The following ZNF469 variants were observed in gnomAD, a reference collection of about 807,000 sequenced individuals.
The protein encoded by ZNF469 is zinc finger protein 469.
A neutral mutation model predicts 1.0 loss-of-function variants in ZNF469; 1 was observed. That is an observed-to-expected ratio of 1.00 (90% confidence interval 0.35 to 4.73). The LOEUF (loss-of-function observed/expected upper bound fraction) is 4.73, where lower values mean the gene tolerates loss of function less well. ZNF469 is among the 30% of genes most tolerant of loss of function. ZNF469 has a pLI of 0.16. For missense variants in ZNF469, 6,100 were observed against 5,356.3 expected (o/e 1.14, Z -4.33); for synonymous variants, 2,703 against 2,363.4 (o/e 1.14, Z -4.17).
the ZNF469 span, among the ~76,000 whole-genome samples, chr16:88,294,194 G>C: frequency 6.6e-6 from 1 of 152,214 alleles, no homozygotes; most frequent in African/African-American, 2.4e-5. Context: ...ACAAAGATCA[G>C]CTGAAACTGT....
the ZNF469 span, among the ~76,000 whole-genome samples, chr16:88,113,184 C>G: frequency 6.6e-6 from 1 of 152,102 alleles, no homozygotes; most frequent in Non-Finnish European, 1.5e-5. Flanking sequence ...AGGTCAATGT[C>G]CTGGAGATTG....
chr16:88,397,254 C>T lies in ZNF469; in HGVS notation c.-192+14000C>T, dbSNP rs559841407. On this transcript the variant is annotated intron_variant, in intron 1 of 2. Coordinates refer to ENST00000565624, the MANE Select transcript of ZNF469 (RefSeq NM_001367624.2). ...GGCGGACCCGGTGCCCACCCTCAAG[C>T]GATCACCATGGCCCTGGGATGGATG... is the stretch of plus-strand genomic sequence containing the variant. Among the ~76,000 whole-genome samples, 9 of 152,386 alleles carry T rather than the reference C, an allele frequency of 5.9e-5. No individual in the cohort carries two copies. In the South Asian group the frequency reaches 1.7e-3, roughly 28 times the overall value.
rs1431121592 is a variant in ZNF469, at chr16:88,437,419, G to A, written c.9949G>A (p.Ala3317Thr). 3 of 1,523,366 alleles carry A rather than the reference G, an allele frequency of 2.0e-6. No individual in the cohort carries two copies. The highest frequency in any genetic ancestry group is 2.6e-6 in the Non-Finnish European group (3 of 1,132,714). 94.4% of individuals were successfully genotyped at this position (1,523,366 alleles called of 1,614,324 possible). A position where few individuals can be genotyped will look rare whatever the true frequency, so the allele number is the denominator to read the frequency against. Reference sequence around the variant, plus strand: ...CCCCAGCCCGTCCCCCGACCCCTGGGCCGGCGGGGAGCCCCTCCTGCAAGC... The same window carrying A: ...CCCCAGCCCGTCCCCCGACCCCTGGACCGGCGGGGAGCCCCTCCTGCAAGC... ...TTPSPSPDPW[A>T]GGEPLLQATP... The change falls in exon 3 of 3, where the codon GCC becomes ACC. Residue 3317 changes from alanine to threonine, a missense_variant. Transcript: ENST00000565624.
the ZNF469 span, among the ~76,000 whole-genome samples, chr16:88,310,865 TAG>T: frequency 6.6e-6 from 1 of 152,174 alleles, no homozygotes; most frequent in South Asian, 2.1e-4. Context: ...GAAGATGGCA[TAG>T]AGTTTCTACT....
chr16:88,331,070 GA>G, the ZNF469 span, among the ~76,000 whole-genome samples: 1 of 73,266 alleles, frequency 1.4e-5, no homozygotes, highest in African/African-American at 5.7e-5. Flanking sequence ...CAACCATCAC[GA>G]CCACCACCAC....
At chr16:88,308,118 T>C in the ZNF469 span, among the ~76,000 whole-genome samples, 1 of 152,358 alleles carries the variant, frequency 6.6e-6, no homozygotes, top group Non-Finnish European at 1.5e-5. Context: ...ACTGCCTTGG[T>C]GCCCTTGTTG....
At chr16:88,285,086 T>C in the ZNF469 span, among the ~76,000 whole-genome samples, 1 of 152,246 alleles carries the variant, frequency 6.6e-6, no homozygotes, top group East Asian at 1.9e-4. Flanking sequence ...TGGCCTAACA[T>C]GCCTCATACC....
At chr16:88,153,505 A>G in the ZNF469 span, among the ~76,000 whole-genome samples, 6 of 152,222 alleles carry the variant, frequency 3.9e-5, no homozygotes, top group African/African-American at 1.4e-4. Context: ...AGTGGGTAGA[A>G]GGATGCACCT....
At chr16:88,148,788 A>C in the ZNF469 span, among the ~76,000 whole-genome samples, 15 of 152,194 alleles carry the variant, frequency 9.9e-5, no homozygotes, top group African/African-American at 3.4e-4. Flanking sequence ...TGCTGGGGCC[A>C]ACTCTGTTCT....
chr16:88,180,855 C>T, the ZNF469 span, among the ~76,000 whole-genome samples: 10 of 152,246 alleles, frequency 6.6e-5, no homozygotes, highest in African/African-American at 2.2e-4. Flanking sequence ...CACCTAACAG[C>T]GGAATTTCAA....
chr16:88,158,345 GC>G, the ZNF469 span, among the ~76,000 whole-genome samples: 1 of 152,134 alleles, frequency 6.6e-6, no homozygotes, highest in East Asian at 1.9e-4. Context: ...GGCACGGGAA[GC>G]CCCCGGGGCA....
At chr16:88,267,360 C>T in the ZNF469 span, among the ~76,000 whole-genome samples, 2 of 152,204 alleles carry the variant, frequency 1.3e-5, no homozygotes. Context: ...ACTTCGGTGC[C>T]AGTCGCGAAA....
chr16:88,403,622 G>C (rs924043792), intron 1 of ZNF469, among the ~76,000 whole-genome samples: 23 of 152,260 alleles, frequency 1.5e-4, no homozygotes, highest in African/African-American at 5.5e-4. Context: ...TGCTGGGACA[G>C]GGAGCAGGGC....
chr16:88,195,667 C>G, the ZNF469 span, among the ~76,000 whole-genome samples: 1 of 152,202 alleles, frequency 6.6e-6, no homozygotes, highest in African/African-American at 2.4e-5. Flanking sequence ...CTAACAATGG[C>G]AGATGGACGT....
At chr16:88,202,756 T>C in the ZNF469 span, among the ~76,000 whole-genome samples, 1 of 152,116 alleles carries the variant, frequency 6.6e-6, no homozygotes, top group Non-Finnish European at 1.5e-5. Flanking sequence ...CCTGCATCTC[T>C]CGAGTCTGCT....
the ZNF469 span, among the ~76,000 whole-genome samples, chr16:88,261,202 G>A: frequency 6.6e-6 from 1 of 152,240 alleles, no homozygotes; most frequent in East Asian, 1.9e-4. The surrounding 1 kb of genome is among the most constrained non-coding windows in gnomAD (Gnocchi z 6.0). Context: ...ATGCGGGTGG[G>A]AGAGGAAGGA....
the ZNF469 span, among the ~76,000 whole-genome samples, chr16:88,193,321 ATGG>A: frequency 8.8e-5 from 13 of 147,210 alleles, no homozygotes; most frequent in Non-Finnish European, 2.0e-4. Context: ...GATGGTGATG[ATGG>A]TGGTGACGGT....
At chr16:88,252,633 T>C in the ZNF469 span, among the ~76,000 whole-genome samples, 27 of 152,262 alleles carry the variant, frequency 1.8e-4, no homozygotes, top group Admixed American at 1.6e-3. Context: ...CTTCGCTAAA[T>C]ACTTAAGTAT....
At chr16:88,222,054 C>T in the ZNF469 span, among the ~76,000 whole-genome samples, 1 of 152,148 alleles carries the variant, frequency 6.6e-6, no homozygotes, top group Non-Finnish European at 1.5e-5. Flanking sequence ...CCTCATCACA[C>T]TCTCACACTT....
Sources: gnomAD v4.1 joint callset for allele counts (sites outside exome capture counted in the v4.1 genomes callset) on GRCh38, gnomAD v4.1.1 for gene constraint, Gnocchi (gnomAD v3.1) non-coding constraint, MANE v1.5 for transcripts, NCBI Gene and HGNC (gene_info 2026-07-23, HGNC 2026-07-21) for gene names.